Variants in CTNNA3 observed in about 807,000 individuals in gnomAD.
The protein encoded by CTNNA3 is catenin alpha 3.
In CTNNA3, 76 loss-of-function variants were observed where a neutral mutation model predicts 95.7. The observed-to-expected ratio is 0.79, with a 90% CI of 0.66 to 0.96. CTNNA3 has a LOEUF of 0.96. Ranked by LOEUF, CTNNA3 falls within the 40% of genes least tolerant of loss-of-function variation. The pLI is 0.00. For missense variants in CTNNA3, 1,191 were observed against 1,089.8 expected (o/e 1.09, Z -1.31); for synonymous variants, 431 against 374.4 (o/e 1.15, Z -1.74).
chr10:67,158,134 G>A (rs1861389260), intron 7 of CTNNA3, among the ~76,000 whole-genome samples: 1 of 151,976 alleles, frequency 6.6e-6, no homozygotes, highest in Non-Finnish European at 1.5e-5. Context: ...AGGTAGTTGT[G>A]TTACTGGCAC....
At chr10:66,757,052 A>C (rs1383115166) in intron 9 of CTNNA3, among the ~76,000 whole-genome samples, 3 of 152,202 alleles carry the variant, frequency 2.0e-5, no homozygotes, top group Non-Finnish European at 4.4e-5. Context: ...CTTTTGAGAA[A>C]TGTGAATGTC....
intron 15 of CTNNA3, among the ~76,000 whole-genome samples, chr10:66,032,391 A>C (rs1315286816): frequency 6.6e-6 from 1 of 152,196 alleles, no homozygotes; most frequent in Non-Finnish European, 1.5e-5. Context: ...AAACACAAAA[A>C]TAATGTTAAA....
intron 13 of CTNNA3, among the ~76,000 whole-genome samples, chr10:66,261,827 A>G (rs1386177735): frequency 2.0e-5 from 3 of 151,968 alleles, no homozygotes; most frequent in African/African-American, 7.2e-5. Flanking sequence ...CAGAATCAAC[A>G]TGAGATGGTT....
chr10:66,686,239 T>C (rs758670081), intron 9 of CTNNA3, among the ~76,000 whole-genome samples: 15 of 152,188 alleles, frequency 9.9e-5, no homozygotes, highest in Non-Finnish European at 1.9e-4. Flanking sequence ...TATGTAGTAA[T>C]TCCCTATTGC....
At chr10:66,772,974 C>T (rs1442651336) in intron 8 of CTNNA3, among the ~76,000 whole-genome samples, 1 of 152,132 alleles carries the variant, frequency 6.6e-6, no homozygotes, top group Non-Finnish European at 1.5e-5. Context: ...TTTCTCTTTC[C>T]TGTGAGAAGA....
At chr10:65,943,818 T>A (rs976831064) in intron 17 of CTNNA3, among the ~76,000 whole-genome samples, 19 of 152,164 alleles carry the variant, frequency 1.2e-4, no homozygotes, top group Non-Finnish European at 1.5e-4. Flanking sequence ...CATAGCCCCA[T>A]CATTTGTAAA....
At chr10:67,471,627 T>C (rs1564673492) in intron 5 of CTNNA3, among the ~76,000 whole-genome samples, 2 of 152,166 alleles carry the variant, frequency 1.3e-5, no homozygotes, top group Non-Finnish European at 2.9e-5. Context: ...ATCCTTCTTG[T>C]TGAGGATAGT....
chr10:67,685,141 A>T (rs1012360832), intron 1 of CTNNA3, among the ~76,000 whole-genome samples: 9 of 152,158 alleles, frequency 5.9e-5, no homozygotes, highest in African/African-American at 2.2e-4. Flanking sequence ...ATCCTTTGAG[A>T]GTGTGTGGTA....
At chr10:66,965,522 A>G (rs1708044225) in intron 7 of CTNNA3, among the ~76,000 whole-genome samples, 2 of 150,176 alleles carry the variant, frequency 1.3e-5, no homozygotes, top group African/African-American at 4.9e-5. Context: ...CGACAGAGCA[A>G]GACTCCGTCT....
chr10:67,396,762 TG>T (rs1481601139), intron 5 of CTNNA3, among the ~76,000 whole-genome samples: 1 of 149,864 alleles, frequency 6.7e-6, no homozygotes, highest in African/African-American at 2.5e-5. Context: ...CCATGTGTCA[TG>T]GGAGGGACAC....
chr10:66,004,921 T>C (rs1010283214), intron 15 of CTNNA3, among the ~76,000 whole-genome samples: 1 of 152,152 alleles, frequency 6.6e-6, no homozygotes, highest in Non-Finnish European at 1.5e-5. Flanking sequence ...CAATACACAT[T>C]TATTATTTTA....
Position 66,901,453 on chromosome 10 carries a change from A to G in CTNNA3, c.1048-125929T>C, listed in dbSNP as rs189194047. Among the ~76,000 whole-genome samples, 33 of 152,368 alleles carry G rather than the reference A, an allele frequency of 2.2e-4. No homozygotes were observed. In the East Asian group the frequency reaches 6.0e-3, roughly 28 times the overall value. ...AATTCTAAAGACCATAGATGCTATG[A>G]AGAAACCACATCAATTAACAGGTAA... On this transcript the variant is annotated intron_variant, in intron 7 of 17. Transcript: ENST00000433211.
chr10:67,614,726 C>T (rs773248381), intron 2 of CTNNA3, among the ~76,000 whole-genome samples: 7 of 152,152 alleles, frequency 4.6e-5, no homozygotes, highest in Admixed American at 4.6e-4. Flanking sequence ...GGGTACTCAA[C>T]TGGTACTGGC....
intron 5 of CTNNA3, among the ~76,000 whole-genome samples, chr10:67,432,273 T>A (rs1846132653): frequency 6.6e-6 from 1 of 152,026 alleles, no homozygotes. Flanking sequence ...ACAGAAAATG[T>A]ACACTTACAT....
intron 7 of CTNNA3, among the ~76,000 whole-genome samples, chr10:67,164,490 C>G (rs139969131): frequency 6.6e-6 from 1 of 151,988 alleles, no homozygotes; most frequent in Non-Finnish European, 1.5e-5. Flanking sequence ...AAATATAAAA[C>G]GTTTAGGAAA....
chr10:66,233,104 G>C (rs1445683930), intron 13 of CTNNA3, among the ~76,000 whole-genome samples: 3 of 133,194 alleles, frequency 2.3e-5, no homozygotes, highest in African/African-American at 8.7e-5. Flanking sequence ...AGCTTGTAGT[G>C]AGCCGAGATC....
chr10:66,331,767 A>G (rs1046439089), intron 12 of CTNNA3, among the ~76,000 whole-genome samples: 3 of 151,912 alleles, frequency 2.0e-5, no homozygotes, highest in African/African-American at 7.2e-5. Context: ...TTGGCTTAGG[A>G]TTGACTTGGC....
At chr10:67,360,433 A>AC (rs1331767209) in intron 5 of CTNNA3, among the ~76,000 whole-genome samples, 6 of 151,860 alleles carry the variant, frequency 4.0e-5, no homozygotes, top group African/African-American at 1.5e-4. Flanking sequence ...AAAAAAAAAA[A>AC]ACAAGAACCA....
intron 9 of CTNNA3, among the ~76,000 whole-genome samples, chr10:66,737,065 ATCC>A (rs1298099948): frequency 6.7e-6 from 1 of 150,002 alleles, no homozygotes. Context: ...AAACATTCAT[ATCC>A]TCCTAAATTT....
Sources: allele counts gnomAD v4.1 joint callset (sites outside exome capture counted in the v4.1 genomes callset), GRCh38; gene constraint gnomAD v4.1.1; transcripts MANE v1.5; gene names NCBI Gene and HGNC (gene_info 2026-07-23, HGNC 2026-07-21).